ARHGAP25: variants seen among roughly 807,000 people sequenced by gnomAD.
The protein encoded by ARHGAP25 is rho GTPase-activating protein 25.
In ARHGAP25, 34 loss-of-function variants were observed where a neutral mutation model predicts 71.0. That is an observed-to-expected ratio of 0.48 (90% confidence interval 0.36 to 0.64). ARHGAP25 has a LOEUF of 0.64. Ranked by LOEUF, ARHGAP25 falls within the 30% of genes least tolerant of loss-of-function variation. The pLI is 0.00. For missense variants in ARHGAP25, 706 were observed against 805.1 expected (o/e 0.88, Z 1.49); for synonymous variants, 282 against 296.5 (o/e 0.95, Z 0.50).
chr2:68,786,334 C>G (rs1678760152), intron 3 of ARHGAP25, among the ~76,000 whole-genome samples: 1 of 152,066 alleles, frequency 6.6e-6, no homozygotes, highest in African/African-American at 2.4e-5. Context: ...TGTCCAAGGT[C>G]AAATTTAGGA....
chr2:68,742,151 A>G (rs903284541), intron 1 of ARHGAP25, among the ~76,000 whole-genome samples: 4 of 152,152 alleles, frequency 2.6e-5, no homozygotes, highest in South Asian at 2.1e-4. Flanking sequence ...ATATGCACAC[A>G]TGGATCTCAG....
At chr2:68,727,302 T>TC (rs1674909199) in intron 2 of ARHGAP25, among the ~76,000 whole-genome samples, 1 of 152,172 alleles carries the variant, frequency 6.6e-6, no homozygotes, top group African/African-American at 2.4e-5. Context: ...CAGGCCATCT[T>TC]TTTTTCCCCT....
At chr2:68,794,718 T>A (rs1679416002) in intron 4 of ARHGAP25, among the ~76,000 whole-genome samples, 1 of 152,106 alleles carries the variant, frequency 6.6e-6, no homozygotes, top group South Asian at 2.1e-4. Context: ...GGGATATTGG[T>A]CTGTAGTTTT....
At chr2:68,714,964 C>G (rs1243457989) in intron 2 of ARHGAP25, among the ~76,000 whole-genome samples, 1 of 152,204 alleles carries the variant, frequency 6.6e-6, no homozygotes, top group Admixed American at 6.5e-5. Flanking sequence ...TCTCCCAGCA[C>G]TCCCCTGAGG....
intron 2 of ARHGAP25, among the ~76,000 whole-genome samples, chr2:68,726,961 A>G (rs1674898364): frequency 6.6e-6 from 1 of 152,054 alleles, no homozygotes; most frequent in Admixed American, 6.6e-5. Flanking sequence ...AGGGAATGGG[A>G]ATAAAACCTT....
rs1345652068 is a variant in ARHGAP25 at position 68,767,537 on chromosome 2, CCA to C, written c.62-7683_62-7682del. ...CAGGTCTGCTGTTTCAGAGAGCTCC[CCA>C]GTCGGCTCCTTCCTCAGCTGTGGTG... is the stretch of plus-strand genomic sequence containing the variant. On this transcript the variant is annotated intron_variant, in intron 1 of 10. Coordinates refer to ENST00000409202, the MANE Select transcript of ARHGAP25 (RefSeq NM_001007231.3). The surrounding 1 kb of genome is among the most constrained non-coding windows in gnomAD (Gnocchi z 4.6). Among the ~76,000 whole-genome samples the C allele has an allele frequency of 6.6e-6, 1 of 152,062 alleles. No individual in the cohort carries two copies. Among genetic ancestry groups the C allele is most frequent in the Non-Finnish European group, 1.5e-5 (1 of 68,004 alleles).
intron 2 of ARHGAP25, among the ~76,000 whole-genome samples, chr2:68,712,868 A>G (rs1385009348): frequency 3.3e-5 from 5 of 152,072 alleles, no homozygotes; most frequent in Non-Finnish European, 7.4e-5. Context: ...ATTCGTCTAT[A>G]TATCTGTTTT....
In ARHGAP25 at chr2:68,826,674, T is replaced by G. The variant is rs1157103010; in HGVS notation, c.*480T>G. ...GCTGTGTTTGGGGGGCTGCATCTGC[T>G]GAAGCGAGAACCCCATTCTGCCACC... is the stretch of plus-strand genomic sequence containing the variant. On this transcript the variant is annotated 3_prime_UTR_variant, in exon 11 of 11. Coordinates refer to ENST00000409202, the MANE Select transcript of ARHGAP25 (RefSeq NM_001007231.3). 1 of 218,850 alleles carries G rather than the reference T, an allele frequency of 4.6e-6. No individual in the cohort carries two copies. Among genetic ancestry groups the G allele is most frequent in the African/African-American group, 2.3e-5 (1 of 43,380 alleles). The allele number at this position is 218,850 out of a possible 1,614,324, so 13.6% of individuals were successfully genotyped here. A position where few individuals can be genotyped will look rare whatever the true frequency, so the allele number is the denominator to read the frequency against.
At position 68,728,743 on chromosome 2, in the gene ARHGAP25, T is replaced by C. The variant is rs546989811; in HGVS notation, c.-18+18045T>C. On this transcript the variant is annotated intron_variant and NMD_transcript_variant, in intron 2 of 7. Transcript: ENST00000463483. ...GAGACTCCAATCTTTATAAGTAATA[T>C]AAGTAAACATAAGTAAATAAATAAA... 5.9e-5 allele frequency among the ~76,000 whole-genome samples: 9 copies of C among 152,054 alleles called. No individual in the cohort carries two copies. In the South Asian group the frequency reaches 1.7e-3, roughly 28 times the overall value.
intron 2 of ARHGAP25, chr2:68,775,900 A>T: frequency 3.1e-6 from 1 of 323,256 alleles, no homozygotes; most frequent in South Asian, 2.4e-5. Context: ...ACACATAAAC[A>T]TAACAAATAA....
chr2:68,723,769 A>G (rs1346826097), intron 2 of ARHGAP25, among the ~76,000 whole-genome samples: 1 of 152,202 alleles, frequency 6.6e-6, no homozygotes, highest in Non-Finnish European at 1.5e-5. Flanking sequence ...CAGGCCCTTC[A>G]GGGTGGTTTA....
At chr2:68,825,492 G>A (rs933821363) in intron 10 of ARHGAP25, among the ~76,000 whole-genome samples, 1 of 152,186 alleles carries the variant, frequency 6.6e-6, no homozygotes, top group Non-Finnish European at 1.5e-5. Context: ...GGGGCTGGGT[G>A]TGGTGGTTCA....
chr2:68,711,737 C>A (rs1674488285), intron 2 of ARHGAP25, among the ~76,000 whole-genome samples: 1 of 126,092 alleles, frequency 7.9e-6, no homozygotes, highest in Non-Finnish European at 1.6e-5. Context: ...TCTCATTGTT[C>A]AACTCCCATT....
At chr2:68,795,693 G>A (rs1164165726) in intron 4 of ARHGAP25, among the ~76,000 whole-genome samples, 1 of 152,104 alleles carries the variant, frequency 6.6e-6, no homozygotes, top group East Asian at 1.9e-4. Flanking sequence ...CATATGGCCT[G>A]TCTTGGAGAC....
chr2:68,717,867 C>T (rs1674652415), intron 2 of ARHGAP25, among the ~76,000 whole-genome samples: 1 of 152,164 alleles, frequency 6.6e-6, no homozygotes, highest in South Asian at 2.1e-4. Flanking sequence ...TTCTTCCTTT[C>T]CAAAGCCATT....
rs558036516 is a variant in ARHGAP25, at chr2:68,767,228, C to T, written c.62-7993C>T. Among the ~76,000 whole-genome samples the T allele has an allele frequency of 1.1e-4, 16 of 152,158 alleles. No individual in the cohort carries two copies. The highest frequency in any genetic ancestry group is 8.3e-4 in the South Asian group (4 of 4,824). The stretch of plus-strand genomic sequence containing the variant: ...GTGCTTTTCATACTAAAGTTAAAAA[C>T]GAAACTCAAAAGAATGATGGGTGCT... On this transcript the variant is annotated intron_variant, in intron 1 of 10. Transcript: ENST00000409202. The surrounding 1 kb of genome is among the most constrained non-coding windows in gnomAD (Gnocchi z 4.6).
At chr2:68,746,995 C>T (rs1432487907) in intron 1 of ARHGAP25, among the ~76,000 whole-genome samples, 16 of 118,726 alleles carry the variant, frequency 1.3e-4, no homozygotes, top group East Asian at 2.3e-4. Context: ...GCAACAAGAG[C>T]GAAACTCCAT....
chr2:68,813,445 T>C, intron 6 of ARHGAP25, 26 bp downstream of exon 6: 7 of 1,607,206 alleles, frequency 4.4e-6, no homozygotes, highest in Non-Finnish European at 5.9e-6. Context: ...TTAGTTGTCC[T>C]GCCTTAGAAG....
At chr2:68,780,886 C>G (rs184446049) in intron 2 of ARHGAP25, among the ~76,000 whole-genome samples, 1 of 152,180 alleles carries the variant, frequency 6.6e-6, no homozygotes, top group South Asian at 2.1e-4. Flanking sequence ...GAAATAAAGA[C>G]ACGTGTGTTT....
Sources: gnomAD v4.1 joint callset for allele counts (sites outside exome capture counted in the v4.1 genomes callset) on GRCh38, gnomAD v4.1.1 for gene constraint, Gnocchi (gnomAD v3.1) non-coding constraint, MANE v1.5 for transcripts, NCBI Gene and HGNC (gene_info 2026-07-23, HGNC 2026-07-21) for gene names.